ZC3HC1: variants seen among roughly 807,000 people sequenced by gnomAD.
ZC3HC1 encodes the protein zinc finger C3HC-type protein 1.
A neutral mutation model predicts 61.9 loss-of-function variants in ZC3HC1; 38 were observed. The observed-to-expected ratio is 0.61, with a 90% CI of 0.47 to 0.81. ZC3HC1 has a LOEUF of 0.81. Ranked by LOEUF, ZC3HC1 falls within the 30% of genes least tolerant of loss-of-function variation. The pLI is 0.00. For synonymous variants in ZC3HC1, 213 were observed against 229.9 expected (o/e 0.93, Z 0.67); for missense variants, 554 against 622.7 (o/e 0.89, Z 1.17).
rs149416722 is a variant in ZC3HC1 at position 130,051,219 on chromosome 7, A to G, written c.146+2T>C. 1.2e-6 allele frequency: 2 copies of G among 1,603,880 alleles called. No individual in the cohort carries two copies. Among genetic ancestry groups the G allele is most frequent in the Non-Finnish European group, 1.7e-6 (2 of 1,176,134 alleles). On this transcript the variant is annotated splice_donor_variant, in intron 1 of 9. Transcript: ENST00000358303. LOFTEE classifies it high-confidence loss of function. ...GGACCCAGGGTTAACTCGTGAACTCACGCGTCCACGCCTCCCTCTTCCGGG... is the reference window on the plus strand; with the variant it reads ...GGACCCAGGGTTAACTCGTGAACTCGCGCGTCCACGCCTCCCTCTTCCGGG...
At chr7:130,018,779 G>A (rs1793486065) in intron 9 of ZC3HC1, 47 bp from the exon 10 acceptor site, 1 of 1,512,660 alleles carries the variant, frequency 6.6e-7, no homozygotes, top group Non-Finnish European at 9.2e-7. Context: ...CTTTTATAGA[G>A]ACAAAGGATA....
rs745396672 is a variant in ZC3HC1, at chr7:130,025,759, C to T, written c.776+399G>A. ...GCAGGCACCTATAGTCCCAGCTACTCGGGAGGCTGAGACAGGAGAATGGCG... is the reference window on the plus strand; with the variant it reads ...GCAGGCACCTATAGTCCCAGCTACTTGGGAGGCTGAGACAGGAGAATGGCG... On this transcript the variant is annotated intron_variant, in intron 6 of 9. Coordinates refer to ENST00000358303, the MANE Select transcript of ZC3HC1 (RefSeq NM_016478.5). Among the ~76,000 whole-genome samples, 2 of 144,314 alleles carry T rather than the reference C, an allele frequency of 1.4e-5. 1 individual carries two copies. The highest frequency in any genetic ancestry group is 1.5e-4 in the Admixed American group (2 of 13,514). 94.7% of individuals were successfully genotyped at this position (144,314 alleles called of 152,430 possible).
chr7:130,049,194 C>G (rs1794981246), intron 1 of ZC3HC1, 50 bp from the exon 2 acceptor site: 8 of 1,372,486 alleles, frequency 5.8e-6, no homozygotes, highest in Non-Finnish European at 6.9e-6. Context: ...GTACCCTCTG[C>G]TTAAATGTTA....
intron 1 of ZC3HC1, among the ~76,000 whole-genome samples, chr7:130,050,011 C>T (rs1320477559): frequency 6.6e-6 from 1 of 151,896 alleles, no homozygotes; most frequent in African/African-American, 2.4e-5. Context: ...AAAAACTCAG[C>T]AAAGCAATTC....
intron 9 of ZC3HC1, among the ~76,000 whole-genome samples, chr7:130,021,883 T>A (rs1436664443): frequency 6.6e-6 from 1 of 152,028 alleles, no homozygotes; most frequent in Non-Finnish European, 1.5e-5. Flanking sequence ...TGAGTCTAAC[T>A]TGACGTATAA....
At position 130,022,591 on chromosome 7, in the gene ZC3HC1, TGTTA is replaced by T. The variant is rs891503457; in HGVS notation, c.1234-70_1234-67del. Reference sequence around the variant, plus strand: ...CTATGTAAGTTCAGGGAGGCACTGCTGTTAGTTATCAAGTCCAGAATCTCACAAC... The same window carrying T: ...CTATGTAAGTTCAGGGAGGCACTGCTGTTATCAAGTCCAGAATCTCACAAC... On this transcript the variant is annotated intron_variant, in intron 8 of 9. Coordinates refer to ENST00000358303, the MANE Select transcript of ZC3HC1 (RefSeq NM_016478.5). 3 of 1,545,868 alleles carry T rather than the reference TGTTA, an allele frequency of 1.9e-6. No homozygotes were observed. The African/African-American group carries it at 4.1e-5, about 21-fold the overall frequency.
At chr7:130,040,651 A>C (rs569605686) in intron 3 of ZC3HC1, among the ~76,000 whole-genome samples, 11 of 150,504 alleles carry the variant, frequency 7.3e-5, no homozygotes, top group South Asian at 2.1e-4. Flanking sequence ...ACAAAAAAAA[A>C]ACAAAAATTA....
Position 130,026,320 on chromosome 7 carries a change from G to C in ZC3HC1, c.622-8C>G, listed in dbSNP as rs1793907692. 6.3e-7 allele frequency: 1 copy of C among 1,595,776 alleles called. No individual in the cohort carries two copies. The highest frequency in any genetic ancestry group is 2.2e-5 in the East Asian group (1 of 44,542). ...CTTGTCTTCTGTCAAGCACTACAAG[G>C]GAGCCAAGTAAAAAACTTCGTTTCA... On this transcript the variant is annotated splice_region_variant and splice_polypyrimidine_tract_variant and intron_variant, in intron 5 of 9. Coordinates refer to ENST00000358303, the MANE Select transcript of ZC3HC1 (RefSeq NM_016478.5).
rs573674273 is a variant in ZC3HC1 at position 130,021,108 on chromosome 7, T to C, written c.1440+1211A>G. On this transcript the variant is annotated intron_variant, in intron 9 of 9. Coordinates refer to ENST00000358303, the MANE Select transcript of ZC3HC1 (RefSeq NM_016478.5). ...TTTGAGTAGAGACGAGGTTTCACCA[T>C]GTTGGCTAGGTTGTCTCAAACTCTT... is the stretch of plus-strand genomic sequence containing the variant. Among the ~76,000 whole-genome samples the C allele has an allele frequency of 1.2e-4, 18 of 151,752 alleles. No individual in the cohort carries two copies. In the South Asian group the frequency reaches 3.7e-3, roughly 32 times the overall value.
At chr7:130,040,916 T>A (rs768068467) in intron 3 of ZC3HC1, 35 bp downstream of exon 3, 2 of 1,576,950 alleles carry the variant, frequency 1.3e-6, no homozygotes, top group South Asian at 2.4e-5. Flanking sequence ...TATATTTGAG[T>A]GTGGAGAAAA....
At chr7:130,026,991 TTAAAG>T (rs1340104471) in intron 5 of ZC3HC1, 1 of 139,620 alleles carries the variant, frequency 7.2e-6, no homozygotes, top group African/African-American at 2.6e-5. Flanking sequence ...AAAAAAAAAA[TTAAAG>T]AAAAAAAAAT....
intron 6 of ZC3HC1, 124 bp from the exon 7 acceptor site, chr7:130,024,630 C>G: frequency 9.2e-7 from 1 of 1,088,744 alleles, no homozygotes; most frequent in Non-Finnish European, 1.3e-6. Flanking sequence ...CCTATCAGAG[C>G]CTCTGTGCTC....
chr7:130,046,045 C>A (rs758295228), intron 2 of ZC3HC1, among the ~76,000 whole-genome samples: 2 of 152,008 alleles, frequency 1.3e-5, no homozygotes, highest in African/African-American at 4.8e-5. Flanking sequence ...CAAACTAACA[C>A]AGGAACAGAA....
At chr7:130,042,261 C>G (rs1794708094) in intron 2 of ZC3HC1, among the ~76,000 whole-genome samples, 1 of 150,574 alleles carries the variant, frequency 6.6e-6, no homozygotes, top group Non-Finnish European at 1.5e-5. Context: ...TACGATCACA[C>G]CACTGCCCTC....
upstream of ZC3HC1, chr7:130,051,392 C>G: frequency 1.2e-6 from 2 of 1,612,616 alleles, no homozygotes; most frequent in Non-Finnish European, 1.7e-6. Flanking sequence ...AGTTGCTTCC[C>G]CGAGAGTTTG....
chr7:130,023,699 C>A lies in ZC3HC1; in HGVS notation c.1045G>T (p.Val349Phe). 1 of 1,614,040 alleles carries A rather than the reference C, an allele frequency of 6.2e-7. No homozygotes were observed. The highest frequency in any genetic ancestry group is 8.5e-7 in the Non-Finnish European group (1 of 1,179,998). ...EQAEKSPGPI[V>F]SRTRSWDSSS... ...GAGTCCCAGCTCCGAGTTCGAGAGA[C>A]AATGGGACCAGGGCTCTTTTCAGCC... The change falls in exon 8 of 10, where the codon GTC becomes TTC. Residue 349 changes from valine (V) to phenylalanine (F), a missense_variant. Physicochemically the swap from Val to Phe is conservative, Grantham distance 50 (BLOSUM62 -1). Coordinates refer to ENST00000358303, the MANE Select transcript of ZC3HC1 (RefSeq NM_016478.5). This position sits in a 1 kb window ranked among gnomAD's most constrained non-coding sequence, Gnocchi z 4.2.
intron 6 of ZC3HC1, among the ~76,000 whole-genome samples, chr7:130,024,804 G>C (rs906326698): frequency 6.6e-6 from 1 of 151,502 alleles, no homozygotes; most frequent in Admixed American, 6.6e-5. Flanking sequence ...AGCACTTTGG[G>C]AGGCCAAGGT....
At position 130,018,677 on chromosome 7, in the gene ZC3HC1, A is replaced by G. The variant is rs1299569393; in HGVS notation, c.1496T>C (p.Leu499Pro). 1.9e-6 allele frequency: 3 copies of G among 1,612,124 alleles called. No homozygotes were observed. The highest frequency in any genetic ancestry group is 2.5e-6 in the Non-Finnish European group (3 of 1,178,506). The change falls in exon 10 of 10, where the codon CTG becomes CCG. Residue 499 changes from leucine (L) to proline (P), a missense_variant. Leu to Pro is a moderately conservative substitution (Grantham distance 98, BLOSUM62 -3). Transcript: ENST00000358303. ...GCTGGAGTATCTTCAGCATGAGCACAGAGATTCCCACTGCCGAAATATTCG... is the reference window on the plus strand; with the variant it reads ...GCTGGAGTATCTTCAGCATGAGCACGGAGATTCCCACTGCCGAAATATTCG... ...VFRIFRQWESLCSC is the reference protein window; with the variant it reads ...VFRIFRQWESPCSC
chr7:130,031,255 G>A (rs1490433929), intron 4 of ZC3HC1, among the ~76,000 whole-genome samples: 3 of 151,188 alleles, frequency 2.0e-5, no homozygotes, highest in African/African-American at 7.3e-5. Flanking sequence ...GAACCCGGGA[G>A]GCGGAGGTTT....
Sources: gnomAD v4.1 joint callset for allele counts (sites outside exome capture counted in the v4.1 genomes callset) on GRCh38, gnomAD v4.1.1 for gene constraint, Gnocchi (gnomAD v3.1) non-coding constraint, MANE v1.5 for transcripts, NCBI Gene and HGNC (gene_info 2026-07-23, HGNC 2026-07-21) for gene names.